AP5M1: variants seen among roughly 807,000 people sequenced by gnomAD.
AP5M1 encodes the protein adaptor related protein complex 5 subunit mu 1.
AP5M1 carries 44 observed loss-of-function variants against 52.3 expected under a neutral mutation model. That is an observed-to-expected ratio of 0.84 (90% CI 0.66 to 1.08). AP5M1 has a LOEUF of 1.08. Among genes scored for constraint, AP5M1 ranks in the 50% least tolerant of loss-of-function variants. AP5M1 has a pLI of 0.00. For missense variants in AP5M1, 526 were observed against 568.4 expected (o/e 0.93, Z 0.76); for synonymous variants, 213 against 199.0 (o/e 1.07, Z -0.59).
In AP5M1 at chr14:57,286,203, C is replaced by T. The variant is rs879162194; in HGVS notation, c.1294-20C>T. 7.4e-6 allele frequency: 11 copies of T among 1,489,924 alleles called. No individual in the cohort carries two copies. The highest frequency in any genetic ancestry group is 1.0e-5 in the Non-Finnish European group (11 of 1,070,430). 92.3% of individuals were successfully genotyped at this position (1,489,924 alleles called of 1,614,324 possible). On this transcript the variant is annotated intron_variant, in intron 6 of 7. Coordinates refer to ENST00000261558, the MANE Select transcript of AP5M1 (RefSeq NM_018229.4). ...ACCAAATAATCACCTTAATTTGGTA[C>T]ATTTCTCTCTTCTTTCTAGCTTCAT...
chr14:57,283,293 C>G, intron 6 of AP5M1, 63 bp downstream of exon 6: 1 of 943,914 alleles, frequency 1.1e-6, no homozygotes, highest in Admixed American at 2.5e-5. Flanking sequence ...TTGCATATTT[C>G]TAGTTGATTT....
rs1176009742 is a variant in AP5M1 at position 57,290,720 on chromosome 14, A to G, written c.*1836A>G. On this transcript the variant is annotated 3_prime_UTR_variant, in exon 8 of 8. Transcript: ENST00000261558. ...CCATCTGTTGCCATTCCATTCTAAC[A>G]TAGTGCTACAGAACTGAACCAACTT... is the stretch of plus-strand genomic sequence containing the variant. The G allele has an allele frequency of 6.6e-6, 1 of 151,944 alleles. No homozygotes were observed. Among genetic ancestry groups the G allele is most frequent in the East Asian group, 1.9e-4 (1 of 5,186 alleles). 9.4% of individuals were successfully genotyped at this position (151,944 alleles called of 1,614,324 possible).
chr14:57,269,414 G>T (rs1290087623), intron 1 of AP5M1, 26 bp downstream of exon 1: 1 of 1,610,114 alleles, frequency 6.2e-7, no homozygotes, highest in Admixed American at 1.7e-5. Flanking sequence ...AATCCTCAGG[G>T]ATGATGGATC....
chr14:57,271,685 C>G (rs893291324), intron 1 of AP5M1, among the ~76,000 whole-genome samples: 1 of 152,206 alleles, frequency 6.6e-6, no homozygotes, highest in African/African-American at 2.4e-5. Context: ...TTGATGCAAT[C>G]AAACTAGTTA....
rs1884976341 is a variant in AP5M1 at position 57,274,623 on chromosome 14, C to A, written c.454C>A (p.Leu152Met). The A allele has an allele frequency of 6.2e-7, 1 of 1,614,180 alleles. No individual in the cohort carries two copies. The highest frequency in any genetic ancestry group is 8.5e-7 in the Non-Finnish European group (1 of 1,180,026). ...TTCAGGTCAAAAAAATGACTCTGAG[C>A]TGAATACAAAATTGAGCCAGTTGCC... ...LYSGQKNDSELNTKLSQLPDL... is the reference protein window; with the variant it reads ...LYSGQKNDSEMNTKLSQLPDL... Residue 152 changes from leucine (L) to methionine (M), a missense_variant, in exon 2 of 8, where the codon CTG (leucine) becomes ATG (methionine). By Grantham distance (15) the Leu-to-Met change is conservative. Transcript: ENST00000261558.
chr14:57,273,236 T>G (rs1156325122), intron 1 of AP5M1, among the ~76,000 whole-genome samples: 1 of 152,208 alleles, frequency 6.6e-6, no homozygotes, highest in Non-Finnish European at 1.5e-5. Flanking sequence ...AATCTACATA[T>G]GGATAACTTT....
At chr14:57,274,182 A>T in intron 1 of AP5M1, 62 bp from the exon 2 acceptor site, 1 of 1,506,716 alleles carries the variant, frequency 6.6e-7, no homozygotes, top group South Asian at 1.4e-5. Flanking sequence ...TTTTAAAAAA[A>T]TTCTTTCATC....
intron 3 of AP5M1, 29 bp from the exon 4 acceptor site, chr14:57,282,060 A>G: frequency 6.5e-7 from 1 of 1,529,464 alleles, no homozygotes; most frequent in Middle Eastern, 1.8e-4. Context: ...TAACCTGAGA[A>G]TTATATAGAC....
rs1209076231 is a variant in AP5M1 at position 57,268,978 on chromosome 14, A to G, written c.-337A>G. On this transcript the variant is annotated 5_prime_UTR_variant, in exon 1 of 8. Coordinates refer to ENST00000261558, the MANE Select transcript of AP5M1 (RefSeq NM_018229.4). The stretch of plus-strand genomic sequence containing the variant: ...GGCGAAAGAACCGAAAAAAGGCTCG[A>G]CGCTACCGTGTATGAGGAACTTTGA... The G allele has an allele frequency of 1.2e-5, 7 of 568,140 alleles. No homozygotes were observed. In the African/African-American group the frequency reaches 1.4e-4, roughly 11 times the overall value. 35.2% of individuals were successfully genotyped at this position (568,140 alleles called of 1,614,324 possible).
Position 57,274,808 on chromosome 14 carries a change from C to A in AP5M1, c.639C>A (p.Ile213=), listed in dbSNP as rs1448912729. ...YKGKPQVSIS[I]TEKVKSMQYD... is the part of the protein sequence containing the mutation. ...GAAAACCACAAGTTTCTATTTCTAT[C>A]ACTGAAAAGGTAAAATCCATGCAAT... The change falls in exon 2 of 8, where the codon ATC becomes ATA. Residue 213 remains isoleucine, a synonymous_variant. Coordinates refer to ENST00000261558, the MANE Select transcript of AP5M1 (RefSeq NM_018229.4). 1.2e-6 allele frequency: 2 copies of A among 1,614,144 alleles called. No homozygotes were observed. Among genetic ancestry groups the A allele is most frequent in the East Asian group, 4.5e-5 (2 of 44,874 alleles).
In AP5M1 at chr14:57,280,256, C is replaced by A. The variant is rs1566516546; in HGVS notation, c.782C>A (p.Ser261Tyr). 1 of 1,614,110 alleles carries A rather than the reference C, an allele frequency of 6.2e-7. No individual in the cohort carries two copies. Among genetic ancestry groups the A allele is most frequent in the Middle Eastern group, 1.6e-4 (1 of 6,062 alleles). Residue 261 changes from serine to tyrosine, a missense_variant, in exon 3 of 8, where the codon TCT (serine) becomes TAT (tyrosine). Physicochemically the swap from Ser to Tyr is moderately radical, Grantham distance 144 (BLOSUM62 -2). Around this residue, in one of 3 missense-constraint regions of AP5M1, gnomAD observed 425 missense variants for 430.6 expected, o/e 0.99. Coordinates refer to ENST00000261558, the MANE Select transcript of AP5M1 (RefSeq NM_018229.4). Reference sequence around the variant, plus strand: ...AGCTTGAGTCTCCCCACCAATGGATCTCCACTTCAGGATATTCTAGTTCAC... The same window carrying A: ...AGCTTGAGTCTCCCCACCAATGGATATCCACTTCAGGATATTCTAGTTCAC... ...TISLSLPTNG[S>Y]PLQDILVHPC...
chr14:57,276,087 A>AAC (rs1286477536), intron 2 of AP5M1, among the ~76,000 whole-genome samples: 2 of 152,054 alleles, frequency 1.3e-5, no homozygotes, highest in African/African-American at 4.8e-5. Context: ...AATCCTGTTT[A>AAC]ACGTTAAAGT....
chr14:57,294,290 C>T lies in AP5M1; in HGVS notation c.*5406C>T, dbSNP rs1885504157. On this transcript the variant is annotated 3_prime_UTR_variant, in exon 8 of 8. Transcript: ENST00000261558. Reference sequence around the variant, plus strand: ...AATTTTGCACTTCTAATCTGTTGAACATTTAAAGTCAAAACTACATGTTTC... The same window carrying T: ...AATTTTGCACTTCTAATCTGTTGAATATTTAAAGTCAAAACTACATGTTTC... 6.6e-6 allele frequency: 1 copy of T among 151,790 alleles called. No individual in the cohort carries two copies. Among genetic ancestry groups the T allele is most frequent in the Non-Finnish European group, 1.5e-5 (1 of 67,812 alleles). The allele number at this position is 151,790 out of a possible 1,614,324, so 9.4% of individuals were successfully genotyped here.
intron 6 of AP5M1, among the ~76,000 whole-genome samples, chr14:57,284,266 G>C (rs1051080125): frequency 6.6e-6 from 1 of 152,176 alleles, no homozygotes; most frequent in African/African-American, 2.4e-5. Flanking sequence ...AATAAACAAG[G>C]CATGCTTAGA....
chr14:57,294,127 T>C lies in AP5M1; in HGVS notation c.*5243T>C, dbSNP rs1233096031. ...ATAAGCAGGATACTGCAAGGTCTGG[T>C]TGATTTCTCTAATGCCCTAGCTAAT... On this transcript the variant is annotated 3_prime_UTR_variant, in exon 8 of 8. Transcript: ENST00000261558. The C allele has an allele frequency of 6.6e-6, 1 of 151,874 alleles. No individual in the cohort carries two copies. Among genetic ancestry groups the C allele is most frequent in the Non-Finnish European group, 1.5e-5 (1 of 67,822 alleles). The allele number at this position is 151,874 out of a possible 1,614,324, so 9.4% of individuals were successfully genotyped here. A position where few individuals can be genotyped will look rare whatever the true frequency, so the allele number is the denominator to read the frequency against.
chr14:57,273,843 C>T (rs2139685030), intron 1 of AP5M1: 3 of 655,272 alleles, frequency 4.6e-6, no homozygotes, highest in Non-Finnish European at 8.2e-6. Context: ...TTTGTTAGCC[C>T]TACTCTAGCT....
In AP5M1 at chr14:57,297,864, G is replaced by A. The variant is rs1885583878; in HGVS notation, c.*8980G>A. The A allele has an allele frequency of 6.6e-6, 1 of 152,134 alleles. No individual in the cohort carries two copies. The highest frequency in any genetic ancestry group is 2.4e-5 in the African/African-American group (1 of 41,428). The allele number at this position is 152,134 out of a possible 1,614,324, so 9.4% of individuals were successfully genotyped here. On this transcript the variant is annotated 3_prime_UTR_variant, in exon 8 of 8. Coordinates refer to ENST00000261558, the MANE Select transcript of AP5M1 (RefSeq NM_018229.4). The stretch of plus-strand genomic sequence containing the variant: ...TGTTTGAGTAATTAGGGTTTTGCAT[G>A]TGTATATAGAAAGGCTATTTTGCAA...
intron 1 of AP5M1, chr14:57,271,184 A>G (rs1420399524): frequency 6.6e-6 from 1 of 152,254 alleles, no homozygotes; most frequent in Admixed American, 6.5e-5. Flanking sequence ...CATCCTACAC[A>G]TTTACCTGTC....
At chr14:57,273,273 A>T (rs8010462) in intron 1 of AP5M1, among the ~76,000 whole-genome samples, 1 of 152,294 alleles carries the variant, frequency 6.6e-6, no homozygotes, top group East Asian at 1.9e-4. Flanking sequence ...ATATTTTTTT[A>T]AAATATTAGT....
Sources: allele counts gnomAD v4.1 joint callset (sites outside exome capture counted in the v4.1 genomes callset), GRCh38; gene constraint gnomAD v4.1.1; regional missense constraint gnomAD v4.1.1; transcripts MANE v1.5; gene names NCBI Gene and HGNC (gene_info 2026-07-23, HGNC 2026-07-21).